Variants in CMIP observed in about 807,000 individuals in gnomAD.
CMIP encodes the protein C-Maf-inducing protein.
In CMIP, 13 loss-of-function variants were observed where a neutral mutation model predicts 97.3. That is an observed-to-expected ratio of 0.13 (90% CI 0.09 to 0.21). CMIP has a LOEUF of 0.21. Among genes scored for constraint, CMIP ranks in the 10% least tolerant of loss-of-function variants. The pLI, the probability that CMIP is intolerant of heterozygous loss-of-function variation, is 1.00. For synonymous variants in CMIP, 538 were observed against 436.3 expected (o/e 1.23, Z -2.91); for missense variants, 847 against 1,024.9 (o/e 0.83, Z 2.37).
At chr16:81,470,783 A>T (rs776568402) in intron 1 of CMIP, among the ~76,000 whole-genome samples, 1 of 152,368 alleles carries the variant, frequency 6.6e-6, no homozygotes, top group African/African-American at 2.4e-5. Context: ...TAAGTAGAAA[A>T]TGATTAAATA....
rs561257493 is a variant in CMIP, at chr16:81,463,542, C to G, written c.300+18001C>G. Among the ~76,000 whole-genome samples the G allele has an allele frequency of 8.8e-4, 134 of 152,366 alleles. 1 individual carries two copies. The highest frequency in any genetic ancestry group is 1.7e-3 in the Admixed American group (26 of 15,306). On this transcript the variant is annotated intron_variant, in intron 1 of 20. Transcript: ENST00000537098. Reference sequence around the variant, plus strand: ...TGCTGTGCGCATGGAGTCCTCTCTCCTCCCTGAGGATTTTGTAGGACGATT... The same window carrying G: ...TGCTGTGCGCATGGAGTCCTCTCTCGTCCCTGAGGATTTTGTAGGACGATT...
Position 81,696,734 on chromosome 16 carries a change from A to C in CMIP, c.1638+67A>C, listed in dbSNP as rs748437567. On this transcript the variant is annotated intron_variant, in intron 14 of 20. Coordinates refer to ENST00000537098, the MANE Select transcript of CMIP (RefSeq NM_198390.3). The stretch of plus-strand genomic sequence containing the variant: ...TGGGCTTGCCATGCCTGACTAGTAA[A>C]ACAGCCGTCCCCCATCCCCTGGGGC... 21 of 1,439,978 alleles carry C rather than the reference A, an allele frequency of 1.5e-5. No individual in the cohort carries two copies. The African/African-American group carries it at 2.8e-4, about 19-fold the overall frequency. 89.2% of individuals were successfully genotyped at this position (1,439,978 alleles called of 1,614,324 possible). A position where few individuals can be genotyped will look rare whatever the true frequency, so the allele number is the denominator to read the frequency against.
intron 2 of CMIP, chr16:81,619,896 A>G (rs571750432): frequency 6.6e-6 from 1 of 152,332 alleles, no homozygotes; most frequent in South Asian, 2.1e-4. Context: ...ATGAAACACC[A>G]TAGCATTACT....
intron 1 of CMIP, among the ~76,000 whole-genome samples, chr16:81,598,198 G>C (rs908510816): frequency 2.0e-5 from 3 of 152,080 alleles, no homozygotes; most frequent in African/African-American, 7.2e-5. Context: ...CAACAGAGCT[G>C]ACCAACAGGA....
intron 1 of CMIP, among the ~76,000 whole-genome samples, chr16:81,503,080 A>C (rs2089642130): frequency 6.6e-6 from 1 of 152,242 alleles, no homozygotes; most frequent in Non-Finnish European, 1.5e-5. Context: ...GCCCTAGTTC[A>C]GCACAACCTA....
intron 1 of CMIP, among the ~76,000 whole-genome samples, chr16:81,528,194 T>C (rs768444356): frequency 6.6e-6 from 1 of 152,210 alleles, no homozygotes; most frequent in Non-Finnish European, 1.5e-5. Context: ...AAAAATATCC[T>C]TCACATTCAT....
At chr16:81,658,263 C>G (rs932275223) in intron 5 of CMIP, among the ~76,000 whole-genome samples, 9 of 152,226 alleles carry the variant, frequency 5.9e-5, no homozygotes, top group African/African-American at 1.7e-4. Context: ...TTCTGGGACT[C>G]TACCATGATG....
chr16:81,560,147 A>T (rs1368004690), intron 1 of CMIP, among the ~76,000 whole-genome samples: 2 of 28,394 alleles, frequency 7.0e-5, no homozygotes, highest in African/African-American at 1.6e-4. Context: ...ACTCTGTCTT[A>T]AAAAAAAAAA....
At chr16:81,457,570 G>T (rs553769120) in intron 1 of CMIP, among the ~76,000 whole-genome samples, 18 of 152,228 alleles carry the variant, frequency 1.2e-4, no homozygotes, top group African/African-American at 3.9e-4. Flanking sequence ...GTAACAACCC[G>T]TGATACGTAA....
chr16:81,570,472 C>T lies in CMIP; in HGVS notation c.301-37095C>T, dbSNP rs140583898. On this transcript the variant is annotated intron_variant, in intron 1 of 20. Coordinates refer to ENST00000537098, the MANE Select transcript of CMIP (RefSeq NM_198390.3). Reference sequence around the variant, plus strand: ...CTGAGCCTCGGTGTATTTTTTTAGTCTATAAAATGTGCTAACAATGGCCTC... The same window carrying T: ...CTGAGCCTCGGTGTATTTTTTTAGTTTATAAAATGTGCTAACAATGGCCTC... Among the ~76,000 whole-genome samples, 316 of 152,210 alleles carry T rather than the reference C, an allele frequency of 2.1e-3. 2 individuals are homozygous for T. Among genetic ancestry groups the T allele is most frequent in the East Asian group, 3.1e-3 (16 of 5,172 alleles).
chr16:81,629,503 C>A (rs2092124493), intron 3 of CMIP, among the ~76,000 whole-genome samples: 2 of 152,224 alleles, frequency 1.3e-5, no homozygotes, highest in African/African-American at 2.4e-5. Flanking sequence ...GCCCTTGAAC[C>A]CCACCCCACC....
chr16:81,471,128 C>A (rs1302794296), intron 1 of CMIP, among the ~76,000 whole-genome samples: 4 of 152,200 alleles, frequency 2.6e-5, no homozygotes, highest in Non-Finnish European at 4.4e-5. Flanking sequence ...TGTGCATATA[C>A]ACATATACAT....
chr16:81,640,323 A>C (rs2092289174), intron 3 of CMIP, among the ~76,000 whole-genome samples: 2 of 142,432 alleles, frequency 1.4e-5, no homozygotes, highest in South Asian at 4.9e-4. Context: ...AAGAAAACCC[A>C]ACCAATTCCA....
intron 1 of CMIP, chr16:81,519,731 A>C (rs1419858804): frequency 1.3e-5 from 2 of 152,228 alleles, no homozygotes. Flanking sequence ...TACCACTTTT[A>C]ACCTACAGAA....
At chr16:81,566,775 A>G (rs117163422) in intron 1 of CMIP, among the ~76,000 whole-genome samples, 3,967 of 152,366 alleles carry the variant, frequency 0.026, 79 homozygotes, top group Non-Finnish European at 0.039. Context: ...AGTGGAACAG[A>G]TAAACCAATT....
intron 2 of CMIP, chr16:81,620,634 A>C: frequency 2.0e-6 from 1 of 488,504 alleles, no homozygotes; most frequent in South Asian, 2.3e-5. Flanking sequence ...ACTCATATAC[A>C]GCAAAGGAAG....
chr16:81,560,514 A>G lies in CMIP; in HGVS notation c.301-47053A>G, dbSNP rs535218577. 5.3e-5 allele frequency among the ~76,000 whole-genome samples: 8 copies of G among 152,236 alleles called. No homozygotes were observed. The East Asian group carries it at 1.2e-3, about 22-fold the overall frequency. ...ATTACAGGCGTGAGCCACTGCGCCC[A>G]GCCAGAAAAACAATTTTTTACAAAT... On this transcript the variant is annotated intron_variant, in intron 1 of 20. Transcript: ENST00000537098.
At chr16:81,487,739 T>G (rs548159610) in intron 1 of CMIP, among the ~76,000 whole-genome samples, 1 of 152,290 alleles carries the variant, frequency 6.6e-6, no homozygotes, top group South Asian at 2.1e-4. Flanking sequence ...GTGTGAGGAT[T>G]AAAGGAAAAA....
intron 9 of CMIP, among the ~76,000 whole-genome samples, chr16:81,677,037 C>T (rs1043913621): frequency 3.3e-5 from 5 of 152,188 alleles, no homozygotes; most frequent in African/African-American, 4.8e-5. Flanking sequence ...ATGTCCAGGT[C>T]GCATCCTGGA....
Sources: gnomAD v4.1 joint callset for allele counts (sites outside exome capture counted in the v4.1 genomes callset) on GRCh38, gnomAD v4.1.1 for gene constraint, MANE v1.5 for transcripts, NCBI Gene and HGNC (gene_info 2026-07-23, HGNC 2026-07-21) for gene names.